The following GPAT4 variants were observed in gnomAD, a reference collection of about 807,000 sequenced individuals.
The protein encoded by GPAT4 is glycerol-3-phosphate acyltransferase 4.
In GPAT4, 17 loss-of-function variants were observed where a neutral mutation model predicts 58.0. That is an observed-to-expected ratio of 0.29 (90% CI 0.20 to 0.44). The LOEUF (loss-of-function observed/expected upper bound fraction) is 0.44, where lower values mean the gene tolerates loss of function less well. GPAT4 is among the 20% of genes least tolerant of loss of function. GPAT4 has a pLI of 1.00. For synonymous variants in GPAT4, 204 were observed against 210.1 expected (o/e 0.97, Z 0.25); for missense variants, 377 against 574.5 (o/e 0.66, Z 3.51).
In GPAT4 at chr8:41,618,821, C is replaced by T. The variant is rs1563280833; in HGVS notation, c.1182+9C>T. On this transcript the variant is annotated intron_variant, in intron 11 of 12. Coordinates refer to ENST00000396987, the MANE Select transcript of GPAT4 (RefSeq NM_178819.4). The stretch of plus-strand genomic sequence containing the variant: ...CTCCCATGACTAGAGAGGTGAGTGC[C>T]TGCCCCAGGCAGGTCTGCGCCTGCT... 1 of 1,614,258 alleles carries T rather than the reference C, an allele frequency of 6.2e-7. No individual in the cohort carries two copies. Among genetic ancestry groups the T allele is most frequent in the Middle Eastern group, 1.6e-4 (1 of 6,062 alleles).
intron 8 of GPAT4, among the ~76,000 whole-genome samples, chr8:41,613,845 G>A (rs1255325244): frequency 1.3e-5 from 2 of 152,090 alleles, no homozygotes; most frequent in Non-Finnish European, 2.9e-5. Context: ...GAGCCAGGGA[G>A]GGTGAGACTT....
At chr8:41,594,298 A>AT (rs998114691) in intron 1 of GPAT4, among the ~76,000 whole-genome samples, 2 of 152,268 alleles carry the variant, frequency 1.3e-5, no homozygotes, top group South Asian at 4.1e-4. Context: ...CTTTAAAACA[A>AT]TTTTTTTAAC....
At chr8:41,610,938 C>T (rs1249020803) in intron 5 of GPAT4, 128 bp downstream of exon 5, 12 of 957,536 alleles carry the variant, frequency 1.3e-5, no homozygotes, top group African/African-American at 8.4e-5. Flanking sequence ...TTAAATAACC[C>T]AGTGGTGGCC....
At chr8:41,615,140 C>T in intron 10 of GPAT4, 92 bp downstream of exon 10, 1 of 1,181,066 alleles carries the variant, frequency 8.5e-7, no homozygotes, top group Non-Finnish European at 1.2e-6. Flanking sequence ...CTGGGGTCAC[C>T]AGTCTGTGGT....
intron 10 of GPAT4, among the ~76,000 whole-genome samples, chr8:41,617,147 A>AG (rs1803617552): frequency 6.6e-6 from 1 of 152,178 alleles, no homozygotes; most frequent in African/African-American, 2.4e-5. Context: ...GGATCACTTG[A>AG]GGCCAGGAGT....
rs1337318305 is a variant in GPAT4, at chr8:41,580,348, CTTCTTT to C, written c.-849+2075_-849+2080del. 2.6e-5 allele frequency among the ~76,000 whole-genome samples: 4 copies of C among 152,276 alleles called. No homozygotes were observed. In the East Asian group the frequency reaches 7.7e-4, roughly 29 times the overall value. On this transcript the variant is annotated intron_variant, in intron 1 of 12. Coordinates refer to ENST00000396987, the MANE Select transcript of GPAT4 (RefSeq NM_178819.4). ...ACCAGAATGACTTAAGAGTGTTACT[CTTCTTT>C]TTCTGAGAGAACAATAGCATCATCT...
intron 12 of GPAT4, 131 bp from the exon 13 acceptor site, chr8:41,620,762 G>A: frequency 7.0e-7 from 1 of 1,434,312 alleles, no homozygotes; most frequent in East Asian, 2.5e-5. Context: ...TTGTCTTGGT[G>A]AGAGTGCCAC....
chr8:41,610,084 G>T (rs149673629), intron 4 of GPAT4, 129 bp downstream of exon 4: 9 of 1,481,252 alleles, frequency 6.1e-6, no homozygotes, highest in Non-Finnish European at 8.0e-6. Context: ...GCCAGGCCAC[G>T]TGACTCTTTG....
chr8:41,596,136 A>G (rs1415454721), intron 1 of GPAT4, among the ~76,000 whole-genome samples: 3 of 152,134 alleles, frequency 2.0e-5, no homozygotes, highest in Non-Finnish European at 4.4e-5. Context: ...TCCTGGTATC[A>G]TAGTAATGCC....
rs1304089446 is a variant in GPAT4, at chr8:41,620,423, G to A, written c.1263-470G>A. 4.6e-5 allele frequency among the ~76,000 whole-genome samples: 7 copies of A among 152,184 alleles called. No homozygotes were observed. In the South Asian group the frequency reaches 1.2e-3, roughly 27 times the overall value. Reference sequence around the variant, plus strand: ...GAGCATGGAAGAAGTCAGAACACGCGTTACCCCTTGTGTTAGCTCTCTGCA... The same window carrying A: ...GAGCATGGAAGAAGTCAGAACACGCATTACCCCTTGTGTTAGCTCTCTGCA... On this transcript the variant is annotated intron_variant, in intron 12 of 12. Transcript: ENST00000396987.
intron 1 of GPAT4, among the ~76,000 whole-genome samples, chr8:41,595,185 G>A (rs1802896326): frequency 1.3e-5 from 2 of 148,416 alleles, no homozygotes; most frequent in African/African-American, 5.0e-5. Context: ...TAATTACCTG[G>A]GAGGAACCAT....
chr8:41,584,675 A>G (rs1802605923), intron 1 of GPAT4: 1 of 152,220 alleles, frequency 6.6e-6, no homozygotes, highest in South Asian at 2.1e-4. Context: ...AGGTCGAATA[A>G]TGAATTGTCT....
chr8:41,607,532 TTCTC>T (rs1283099459), intron 2 of GPAT4, among the ~76,000 whole-genome samples: 4 of 151,050 alleles, frequency 2.6e-5, no homozygotes, highest in Admixed American at 6.6e-5. Context: ...AGAATCAAGT[TTCTC>T]TCTCTTTTTT....
At chr8:41,579,699 G>C (rs1802459988) in intron 1 of GPAT4, among the ~76,000 whole-genome samples, 1 of 152,140 alleles carries the variant, frequency 6.6e-6, no homozygotes, top group African/African-American at 2.4e-5. Context: ...TTAGCCGGAC[G>C]TGGTGGCAAG....
intron 1 of GPAT4, among the ~76,000 whole-genome samples, chr8:41,591,670 T>G (rs981570554): frequency 6.6e-6 from 1 of 152,240 alleles, no homozygotes; most frequent in Non-Finnish European, 1.5e-5. Context: ...TATAAGAGTT[T>G]TAAATCCTCC....
chr8:41,611,525 C>G (rs1250642891), intron 5 of GPAT4, among the ~76,000 whole-genome samples: 1 of 152,228 alleles, frequency 6.6e-6, no homozygotes, highest in Non-Finnish European at 1.5e-5. Context: ...ATTTTGCTCC[C>G]TTTGGGAAGT....
intron 2 of GPAT4, among the ~76,000 whole-genome samples, chr8:41,608,740 AGAGACC>A (rs1803353248): frequency 1.3e-5 from 2 of 152,234 alleles, no homozygotes; most frequent in African/African-American, 4.8e-5. Flanking sequence ...TTGCAGATAA[AGAGACC>A]AAGATTCAGA....
rs1359560494 is a variant in GPAT4, at chr8:41,602,500, C to T, written c.165+3196C>T. On this transcript the variant is annotated intron_variant, in intron 2 of 12. Coordinates refer to ENST00000396987, the MANE Select transcript of GPAT4 (RefSeq NM_178819.4). The stretch of plus-strand genomic sequence containing the variant: ...ATTCCTGCAGGGGCCTGGGGTGCTC[C>T]GGAAGAGTGCTGGTCTTTTTTCACC... 2.0e-5 allele frequency among the ~76,000 whole-genome samples: 3 copies of T among 151,966 alleles called. No homozygotes were observed. In the South Asian group the frequency reaches 6.2e-4, roughly 32 times the overall value.
At chr8:41,586,240 G>A (rs1002758590) in intron 1 of GPAT4, among the ~76,000 whole-genome samples, 1 of 152,144 alleles carries the variant, frequency 6.6e-6, no homozygotes, top group Non-Finnish European at 1.5e-5. Flanking sequence ...ATGTTATAGC[G>A]TGTATCATTT....
Sources: allele counts gnomAD v4.1 joint callset (sites outside exome capture counted in the v4.1 genomes callset), GRCh38; gene constraint gnomAD v4.1.1; transcripts MANE v1.5; gene names NCBI Gene and HGNC (gene_info 2026-07-23, HGNC 2026-07-21).